The following HSF2 variants were observed in gnomAD, a reference collection of about 807,000 sequenced individuals.
HSF2 encodes the protein heat shock transcription factor 2, also known as heat shock factor protein 2.
In HSF2, 21 loss-of-function variants were observed where a neutral mutation model predicts 65.0. The ratio of observed to expected loss-of-function variants is 0.32; its 90% CI spans 0.23 to 0.47. HSF2 has a LOEUF of 0.47. Ranked by LOEUF, HSF2 falls within the 20% of genes least tolerant of loss-of-function variation. The probability of loss-of-function intolerance (pLI) is 1.00; values close to 1 mark genes in which losing one functional copy is unlikely to be tolerated. For synonymous variants in HSF2, 225 were observed against 219.1 expected, an observed-to-expected ratio of 1.03 and a Z score of -0.24; for missense variants, 499 against 628.1, an observed-to-expected ratio of 0.79 and a Z score of 2.20.
chr6:122,404,078 C>A (rs1465922405), intron 1 of HSF2, among the ~76,000 whole-genome samples: 1 of 152,166 alleles, frequency 6.6e-6, no homozygotes. Context: ...GAAGTGATTT[C>A]CACCAAAGAC....
At chr6:122,401,592 C>G (rs1773735387) in intron 1 of HSF2, among the ~76,000 whole-genome samples, 1 of 152,154 alleles carries the variant, frequency 6.6e-6, no homozygotes, top group Admixed American at 6.5e-5. Context: ...TCTATGAGTT[C>G]TAAGCCAAAT....
Position 122,432,439 on chromosome 6 carries a change from G to T in HSF2, c.*219G>T. On this transcript the variant is annotated 3_prime_UTR_variant, in exon 13 of 13. Coordinates refer to ENST00000368455, the MANE Select transcript of HSF2 (RefSeq NM_004506.4). Reference sequence around the variant, plus strand: ...TTACGCAGATGTAATGCACATTATTGGCGTATCTTTAAGTTGGATTCAAAT... The same window carrying T: ...TTACGCAGATGTAATGCACATTATTTGCGTATCTTTAAGTTGGATTCAAAT... 6.8e-6 allele frequency: 3 copies of T among 440,122 alleles called. No individual in the cohort carries two copies. The highest frequency in any genetic ancestry group is 4.0e-6 in the Non-Finnish European group (1 of 247,778). The allele number at this position is 440,122 out of a possible 1,614,324, so 27.3% of individuals were successfully genotyped here. A position where few individuals can be genotyped will look rare whatever the true frequency, so the allele number is the denominator to read the frequency against.
At chr6:122,430,555 G>A (rs577756058) in intron 11 of HSF2, among the ~76,000 whole-genome samples, 5 of 152,116 alleles carry the variant, frequency 3.3e-5, no homozygotes, top group East Asian at 1.9e-4. Flanking sequence ...GAAAGGTTTC[G>A]TAGTTTTTAT....
At chr6:122,416,047 T>C (rs1774119069) in intron 4 of HSF2, among the ~76,000 whole-genome samples, 174 bp from the exon 5 acceptor site, 1 of 152,142 alleles carries the variant, frequency 6.6e-6, no homozygotes, top group African/African-American at 2.4e-5. Context: ...TCAGGAGTTG[T>C]GTCAAGGTAG....
Position 122,422,287 on chromosome 6 carries a change from T to C in HSF2, c.819T>C (p.Ser273=), listed in dbSNP as rs760582147. The C allele has an allele frequency of 1.1e-5, 17 of 1,598,318 alleles. No individual in the cohort carries two copies. Among genetic ancestry groups the C allele is most frequent in the East Asian group, 2.2e-5 (1 of 44,684 alleles). ...CAGAAACTAATGAGGATGTTATATC[T>C]GATCCCTCCAAGTAAGGAGTTTGTG... is the stretch of plus-strand genomic sequence containing the variant. ...VIPETNEDVI[S]DPSNCSQYPD... Residue 273 remains serine (S), a synonymous_variant, in exon 8 of 13, where the codon TCT becomes TCC. Coordinates refer to ENST00000368455, the MANE Select transcript of HSF2 (RefSeq NM_004506.4).
intron 4 of HSF2, among the ~76,000 whole-genome samples, chr6:122,415,883 G>A (rs755175326): frequency 6.6e-6 from 1 of 152,090 alleles, no homozygotes. Flanking sequence ...TGGTTGTGGT[G>A]GCACATGCCT....
chr6:122,427,308 T>C (rs572892799), intron 10 of HSF2, among the ~76,000 whole-genome samples: 1 of 152,186 alleles, frequency 6.6e-6, no homozygotes, highest in Non-Finnish European at 1.5e-5. Flanking sequence ...CTTTAAAGCT[T>C]ATGACTTATA....
Position 122,400,097 on chromosome 6 carries a change from G to C in HSF2, c.93+267G>C, listed in dbSNP as rs567284812. On this transcript the variant is annotated intron_variant, in intron 1 of 12. Transcript: ENST00000368455. ...GTAGCGGCCCAGGCAGCCCCTTAAC[G>C]GTCCGGTCCGCGTTCGGAACCGGCC... Among the ~76,000 whole-genome samples, 4 of 152,294 alleles carry C rather than the reference G, an allele frequency of 2.6e-5. No homozygotes were observed. In the East Asian group the frequency reaches 7.8e-4, roughly 30 times the overall value.
Position 122,432,657 on chromosome 6 carries a change from G to T in HSF2, c.*437G>T. 1 of 153,998 alleles carries T rather than the reference G, an allele frequency of 6.5e-6. No homozygotes were observed. The highest frequency in any genetic ancestry group is 6.4e-5 in the Admixed American group (1 of 15,518). 9.5% of individuals were successfully genotyped at this position (153,998 alleles called of 1,614,324 possible). A position where few individuals can be genotyped will look rare whatever the true frequency, so the allele number is the denominator to read the frequency against. On this transcript the variant is annotated 3_prime_UTR_variant, in exon 13 of 13. Coordinates refer to ENST00000368455, the MANE Select transcript of HSF2 (RefSeq NM_004506.4). ...ATTTTTATTAAATATTTTTCACTTG[G>T]CTTATTTTTAAAACTGGGAACATAA...
chr6:122,414,615 T>C (rs932138143), intron 4 of HSF2, among the ~76,000 whole-genome samples: 1 of 152,078 alleles, frequency 6.6e-6, no homozygotes, highest in African/African-American at 2.4e-5. Flanking sequence ...AACTTTCTTC[T>C]CCTTATCTTT....
intron 3 of HSF2, 126 bp from the exon 4 acceptor site, chr6:122,413,399 C>T: frequency 1.5e-6 from 1 of 648,444 alleles, no homozygotes; most frequent in East Asian, 2.9e-5. Context: ...GCATTTCATC[C>T]CGGGCTTTTG....
At chr6:122,429,801 G>A (rs1242402522) in intron 11 of HSF2, among the ~76,000 whole-genome samples, 1 of 152,108 alleles carries the variant, frequency 6.6e-6, no homozygotes, top group East Asian at 1.9e-4. Context: ...TTTATGTGAT[G>A]GATTACGTTT....
chr6:122,425,944 A>G (rs1774330660), intron 10 of HSF2, among the ~76,000 whole-genome samples: 1 of 152,038 alleles, frequency 6.6e-6, no homozygotes, highest in Non-Finnish European at 1.5e-5. Flanking sequence ...TATTCTCTGT[A>G]TTAGTTACAT....
In HSF2 at chr6:122,411,997, C is replaced by G. The variant is rs540157346; in HGVS notation, c.94-376C>G. ...ATAATTATAAAATGGTACTTCCTCT[C>G]AAAATCTTTTTTTTTTATTTTGGTC... On this transcript the variant is annotated intron_variant, in intron 1 of 12. Transcript: ENST00000368455. Among the ~76,000 whole-genome samples, 4 of 151,886 alleles carry G rather than the reference C, an allele frequency of 2.6e-5. No individual in the cohort carries two copies. In the South Asian group the frequency reaches 6.2e-4, roughly 24 times the overall value.
chr6:122,416,069 A>G (rs186158543), intron 4 of HSF2, 152 bp from the exon 5 acceptor site: 98 of 561,616 alleles, frequency 1.7e-4, no homozygotes, highest in Middle Eastern at 3.3e-4. Context: ...TGTCATTCCT[A>G]TGTAATTGAA....
intron 9 of HSF2, 112 bp downstream of exon 9, chr6:122,423,069 C>T: frequency 2.6e-6 from 3 of 1,172,336 alleles, no homozygotes; most frequent in African/African-American, 1.5e-5. Flanking sequence ...ACATAGTCCA[C>T]CTTTCTCTGT....
Position 122,432,187 on chromosome 6 carries a change from T to C in HSF2, c.1578T>C (p.Pro526=), listed in dbSNP as rs763260243. The C allele has an allele frequency of 6.2e-7, 1 of 1,614,064 alleles. No individual in the cohort carries two copies. The highest frequency in any genetic ancestry group is 8.5e-7 in the Non-Finnish European group (1 of 1,179,912). The change falls in exon 13 of 13, where the codon CCT becomes CCC. Residue 526 remains proline, a synonymous_variant. Coordinates refer to ENST00000368455, the MANE Select transcript of HSF2 (RefSeq NM_004506.4). ...ATTTATGTGAACTTGCTCCTGCACC[T>C]CTGGATAGTGATATGCCACTTTTAG... ...LFYLCELAPA[P]LDSDMPLLDS
intron 4 of HSF2, among the ~76,000 whole-genome samples, chr6:122,415,859 C>CA (rs901923756): frequency 5.3e-5 from 8 of 151,728 alleles, no homozygotes; most frequent in African/African-American, 1.7e-4. Context: ...ACTAAAAATA[C>CA]AAAAAAAATT....
At chr6:122,422,323 T>C (rs763971323) in intron 8 of HSF2, 25 bp downstream of exon 8, 1 of 1,498,260 alleles carries the variant, frequency 6.7e-7, no homozygotes, top group South Asian at 1.2e-5. Flanking sequence ...AGATAAAATG[T>C]ATGAAAATAT....
Sources: gnomAD v4.1 joint callset for allele counts (sites outside exome capture counted in the v4.1 genomes callset) on GRCh38, gnomAD v4.1.1 for gene constraint, MANE v1.5 for transcripts, NCBI Gene and HGNC (gene_info 2026-07-23, HGNC 2026-07-21) for gene names.